The following TNKS variants were observed in gnomAD, a reference collection of about 807,000 sequenced individuals.
The protein encoded by TNKS is poly [ADP-ribose] polymerase tankyrase-1.
A neutral mutation model predicts 135.8 loss-of-function variants in TNKS; 72 were observed. The ratio of observed to expected loss-of-function variants is 0.53; its 90% CI spans 0.44 to 0.64. TNKS has a LOEUF of 0.64. Among genes scored for constraint, TNKS ranks in the 30% least tolerant of loss-of-function variants. The pLI is 0.00. For missense variants in TNKS, 1,769 were observed against 1,674.0 expected (o/e 1.06, Z -0.99); for synonymous variants, 849 against 649.3 (o/e 1.31, Z -4.68).
chr8:9,673,328 A>T (rs1010018419), intron 3 of TNKS, among the ~76,000 whole-genome samples: 1 of 152,136 alleles, frequency 6.6e-6, no homozygotes, highest in African/African-American at 2.4e-5. Flanking sequence ...GACATTTAAT[A>T]TATTACAATT....
At chr8:9,752,075 G>C (rs1465894987) in intron 19 of TNKS, among the ~76,000 whole-genome samples, 1 of 152,062 alleles carries the variant, frequency 6.6e-6, no homozygotes, top group African/African-American at 2.4e-5. Context: ...TACAACCATA[G>C]CATCTTATTG....
At chr8:9,633,159 TA>T (rs1800363739) in intron 3 of TNKS, among the ~76,000 whole-genome samples, 1 of 152,270 alleles carries the variant, frequency 6.6e-6, no homozygotes, top group Non-Finnish European at 1.5e-5. Context: ...TAAGATTTTT[TA>T]CTCTTCCTTC....
intron 2 of TNKS, among the ~76,000 whole-genome samples, chr8:9,588,707 T>C (rs1798481982): frequency 6.6e-6 from 1 of 152,214 alleles, no homozygotes; most frequent in Admixed American, 6.5e-5. Context: ...TTCCTGTGAC[T>C]TTGGGCAGAT....
At chr8:9,622,793 G>T (rs150598475) in intron 3 of TNKS, among the ~76,000 whole-genome samples, 30 of 152,166 alleles carry the variant, frequency 2.0e-4, no homozygotes, top group Non-Finnish European at 3.7e-4. Context: ...TAATAAAATG[G>T]ATTAACTTGG....
At chr8:9,752,964 C>CG (rs1240380029) in intron 20 of TNKS, among the ~76,000 whole-genome samples, 1 of 139,928 alleles carries the variant, frequency 7.1e-6, no homozygotes, top group African/African-American at 2.8e-5. Flanking sequence ...AACCCTATCT[C>CG]GAAAAAAAAA....
At chr8:9,665,859 A>G (rs911449324) in intron 3 of TNKS, among the ~76,000 whole-genome samples, 24 of 152,168 alleles carry the variant, frequency 1.6e-4, no homozygotes, top group Non-Finnish European at 2.2e-4. Context: ...TGAGTCTCTA[A>G]GCCTCCTCAG....
intron 13 of TNKS, among the ~76,000 whole-genome samples, chr8:9,728,758 CAT>C (rs1805277573): frequency 6.6e-6 from 1 of 152,186 alleles, no homozygotes; most frequent in Non-Finnish European, 1.5e-5. Flanking sequence ...GACCTGGTCA[CAT>C]TACAATGGCT....
chr8:9,726,804 C>G (rs1805184952), intron 13 of TNKS, 84 bp downstream of exon 13: 1 of 1,043,292 alleles, frequency 9.6e-7, no homozygotes, highest in Non-Finnish European at 1.4e-6. Flanking sequence ...TATATCTACT[C>G]AAATACAAAC....
chr8:9,770,380 T>A (rs564375861), intron 26 of TNKS, 118 bp downstream of exon 26: 37 of 1,068,970 alleles, frequency 3.5e-5, no homozygotes, highest in Non-Finnish European at 4.7e-5. Flanking sequence ...GTGCTAGTAT[T>A]AATTACTTCA....
intron 9 of TNKS, among the ~76,000 whole-genome samples, 184 bp from the exon 10 acceptor site, chr8:9,709,771 T>TA (rs1398002667): frequency 6.6e-6 from 1 of 152,248 alleles, no homozygotes; most frequent in East Asian, 1.9e-4. Context: ...TTTAAACGCT[T>TA]ACGTTTTGTA....
At chr8:9,566,189 C>G (rs1322682684) in intron 1 of TNKS, 1 of 152,130 alleles carries the variant, frequency 6.6e-6, no homozygotes, top group Non-Finnish European at 1.5e-5. Context: ...TAGAATTACA[C>G]TTAGTTAATA....
intron 1 of TNKS, chr8:9,557,799 T>C (rs1199464787): frequency 6.6e-6 from 1 of 152,188 alleles, no homozygotes; most frequent in African/African-American, 2.4e-5. Context: ...ACTTGGGAGA[T>C]ATGATTAACC....
At chr8:9,574,176 A>T (rs1252546778) in intron 1 of TNKS, among the ~76,000 whole-genome samples, 1 of 152,124 alleles carries the variant, frequency 6.6e-6, no homozygotes, top group Admixed American at 6.5e-5. Flanking sequence ...ATATAATGTT[A>T]TTTTTTCTCA....
chr8:9,635,265 A>G (rs1203581548), intron 3 of TNKS, among the ~76,000 whole-genome samples: 3 of 152,208 alleles, frequency 2.0e-5, no homozygotes, highest in Admixed American at 2.0e-4. Flanking sequence ...GCTCCCAATG[A>G]ACATATCCGG....
At chr8:9,628,480 G>T (rs1373022621) in intron 3 of TNKS, among the ~76,000 whole-genome samples, 3 of 151,256 alleles carry the variant, frequency 2.0e-5, no homozygotes, top group Admixed American at 6.6e-5. Context: ...TTTTTAAATG[G>T]TCTTCTAATG....
chr8:9,753,857 T>C (rs1346723083), intron 20 of TNKS, among the ~76,000 whole-genome samples: 1 of 152,224 alleles, frequency 6.6e-6, no homozygotes. Context: ...ACGCTTACCC[T>C]GTTTTGCACA....
chr8:9,658,827 A>G (rs960020801), intron 3 of TNKS, among the ~76,000 whole-genome samples: 2 of 152,242 alleles, frequency 1.3e-5, no homozygotes, highest in Admixed American at 6.5e-5. Context: ...AGTGTGCTGT[A>G]TTCAGGAAAC....
chr8:9,620,299 T>A lies in TNKS; in HGVS notation c.994+4622T>A, dbSNP rs73539929. 5.8e-3 allele frequency among the ~76,000 whole-genome samples: 883 copies of A among 152,188 alleles called. 9 individuals carry two copies. Among genetic ancestry groups the A allele is most frequent in the African/African-American group, 0.02 (812 of 41,520 alleles). Reference sequence around the variant, plus strand: ...GTATCCAACCTATCAGTAATTCAGGTCTACCGTACTTTCAAATTCCCAATC... The same window carrying A: ...GTATCCAACCTATCAGTAATTCAGGACTACCGTACTTTCAAATTCCCAATC... On this transcript the variant is annotated intron_variant, in intron 3 of 26. Coordinates refer to ENST00000310430, the MANE Select transcript of TNKS (RefSeq NM_003747.3).
At chr8:9,697,038 A>T (rs1345699158) in intron 5 of TNKS, among the ~76,000 whole-genome samples, 1 of 152,142 alleles carries the variant, frequency 6.6e-6, no homozygotes, top group Admixed American at 6.5e-5. Context: ...CACACTACCC[A>T]AATTCAAACT....
Sources: allele counts gnomAD v4.1 joint callset (sites outside exome capture counted in the v4.1 genomes callset), GRCh38; gene constraint gnomAD v4.1.1; transcripts MANE v1.5; gene names NCBI Gene and HGNC (gene_info 2026-07-23, HGNC 2026-07-21).